Variants in DPP10 observed in about 807,000 individuals in gnomAD.
DPP10 encodes the protein inactive dipeptidyl peptidase 10.
In DPP10, 33 loss-of-function variants were observed where a neutral mutation model predicts 120.9. That is an observed-to-expected ratio of 0.27 (90% CI 0.21 to 0.37). The LOEUF (loss-of-function observed/expected upper bound fraction) is 0.37, where lower values mean the gene tolerates loss of function less well. Among genes scored for constraint, DPP10 ranks in the 10% least tolerant of loss-of-function variants. The pLI, the probability that DPP10 is intolerant of heterozygous loss-of-function variation, is 1.00. For synonymous variants in DPP10, 337 were observed against 326.1 expected (o/e 1.03, Z -0.36); for missense variants, 816 against 942.8 (o/e 0.87, Z 1.76).
At chr2:115,477,758 G>A (rs1354623219) in intron 3 of DPP10, among the ~76,000 whole-genome samples, 1 of 152,112 alleles carries the variant, frequency 6.6e-6, no homozygotes, top group African/African-American at 2.4e-5. Context: ...TTACTGCAAA[G>A]CCACAGTAAT....
chr2:114,838,263 T>C (rs1050041858), intron 1 of DPP10, among the ~76,000 whole-genome samples: 6 of 152,192 alleles, frequency 3.9e-5, no homozygotes, highest in African/African-American at 1.4e-4. Flanking sequence ...TGCCACAGAT[T>C]CTATAGTGGC....
At chr2:114,999,884 A>T (rs1053036541) in intron 1 of DPP10, among the ~76,000 whole-genome samples, 1 of 152,224 alleles carries the variant, frequency 6.6e-6, no homozygotes, top group African/African-American at 2.4e-5. Context: ...CCAGAAAAAA[A>T]GAATCATCAA....
At chr2:115,801,186 T>C (rs1014889508) in intron 19 of DPP10, among the ~76,000 whole-genome samples, 2 of 152,092 alleles carry the variant, frequency 1.3e-5, no homozygotes, top group African/African-American at 4.8e-5. Flanking sequence ...TATTTTATTC[T>C]CTTTGAAACA....
Position 114,605,216 on chromosome 2 carries a change from A to T in DPP10, c.60+162378A>T, listed in dbSNP as rs1332935864. On this transcript the variant is annotated intron_variant, in intron 1 of 25. Coordinates refer to ENST00000410059, the MANE Select transcript of DPP10 (RefSeq NM_020868.6). Reference sequence around the variant, plus strand: ...ACTCTTCTAGAGTGACTGGAAACTTAAGCATCTAAGAACAAGGGCAAATCA... The same window carrying T: ...ACTCTTCTAGAGTGACTGGAAACTTTAGCATCTAAGAACAAGGGCAAATCA... 3.3e-5 allele frequency among the ~76,000 whole-genome samples: 5 copies of T among 152,050 alleles called. No homozygotes were observed. In the East Asian group the frequency reaches 9.7e-4, roughly 29 times the overall value.
At chr2:114,992,428 C>A (rs1363158545) in intron 1 of DPP10, among the ~76,000 whole-genome samples, 1 of 152,174 alleles carries the variant, frequency 6.6e-6, no homozygotes. Flanking sequence ...CCACAGATTG[C>A]TGCTGCTACA....
At chr2:115,561,469 A>G (rs2080671872) in intron 5 of DPP10, among the ~76,000 whole-genome samples, 1 of 151,938 alleles carries the variant, frequency 6.6e-6, no homozygotes, top group African/African-American at 2.4e-5. Context: ...GTTTTGAGAG[A>G]ATTAGGAAAA....
chr2:114,767,336 G>A (rs2106131619), intron 1 of DPP10, among the ~76,000 whole-genome samples: 1 of 145,894 alleles, frequency 6.9e-6, no homozygotes, highest in East Asian at 2.0e-4. Context: ...TAATATGAAA[G>A]TGGTGCTAAG....
intron 1 of DPP10, among the ~76,000 whole-genome samples, chr2:115,056,115 T>G (rs1705884070): frequency 6.6e-6 from 1 of 152,254 alleles, no homozygotes; most frequent in Admixed American, 6.5e-5. Context: ...AACTTGTTTC[T>G]GTATATGACT....
At chr2:115,311,359 T>G (rs2061568691) in intron 2 of DPP10, among the ~76,000 whole-genome samples, 1 of 152,204 alleles carries the variant, frequency 6.6e-6, no homozygotes, top group South Asian at 2.1e-4. Flanking sequence ...CTTTGATGAT[T>G]GCTATTATTC....
chr2:115,567,317 C>T (rs2081064332), intron 5 of DPP10, among the ~76,000 whole-genome samples: 1 of 152,104 alleles, frequency 6.6e-6, no homozygotes, highest in African/African-American at 2.4e-5. Context: ...AACTCTTATT[C>T]TTCTTTCCAA....
At chr2:114,711,495 G>A (rs1007807130) in intron 1 of DPP10, among the ~76,000 whole-genome samples, 1 of 152,252 alleles carries the variant, frequency 6.6e-6, no homozygotes, top group Admixed American at 6.5e-5. Flanking sequence ...GTACCTCTGT[G>A]TTTCAGGTTC....
chr2:114,641,067 A>G (rs1244062935), intron 1 of DPP10, among the ~76,000 whole-genome samples: 1 of 151,972 alleles, frequency 6.6e-6, no homozygotes, highest in African/African-American at 2.4e-5. Flanking sequence ...GCTCCCTTTG[A>G]CATAAGTCAG....
chr2:115,062,204 T>C (rs1429648461), intron 1 of DPP10, among the ~76,000 whole-genome samples: 1 of 151,706 alleles, frequency 6.6e-6, no homozygotes, highest in Non-Finnish European at 1.5e-5. Context: ...AAATTTTTAG[T>C]AGTTTGAATT....
intron 1 of DPP10, among the ~76,000 whole-genome samples, chr2:115,291,682 C>T (rs1335212478): frequency 2.0e-5 from 3 of 152,020 alleles, no homozygotes; most frequent in Non-Finnish European, 4.4e-5. Context: ...GAAATAACTA[C>T]CACTGGGAAA....
At position 115,714,517 on chromosome 2, in the gene DPP10, T is replaced by G. The variant is rs116558339; in HGVS notation, c.577-13299T>G. ...TAATTTTTAAGAAAGTGTCTCCCTCTTATCTCTGTGCGTTTTCCCTACATC... is the reference window on the plus strand; with the variant it reads ...TAATTTTTAAGAAAGTGTCTCCCTCGTATCTCTGTGCGTTTTCCCTACATC... On this transcript the variant is annotated intron_variant, in intron 7 of 25. Transcript: ENST00000410059. Among the ~76,000 whole-genome samples, 650 of 152,288 alleles carry G rather than the reference T, an allele frequency of 4.3e-3. 6 individuals carry two copies. The highest frequency in any genetic ancestry group is 0.015 in the African/African-American group (626 of 41,566).
chr2:115,102,252 G>A (rs2048725982), intron 1 of DPP10, among the ~76,000 whole-genome samples: 1 of 151,994 alleles, frequency 6.6e-6, no homozygotes, highest in Non-Finnish European at 1.5e-5. Flanking sequence ...TCACTCACAG[G>A]GGCTCCAACC....
intron 1 of DPP10, chr2:115,064,534 G>A: frequency 1.8e-6 from 1 of 570,900 alleles, no homozygotes; most frequent in Non-Finnish European, 2.6e-6. Context: ...AAGTCTGGCT[G>A]ATAGGGGGTT....
chr2:115,289,588 A>G (rs6706690), intron 1 of DPP10, among the ~76,000 whole-genome samples: 14,929 of 151,950 alleles, frequency 0.098, 879 homozygotes, highest in African/African-American at 0.16. Context: ...ACATTAACTC[A>G]TTTCCAATTG....
At chr2:114,816,290 G>T (rs1685635338) in intron 1 of DPP10, among the ~76,000 whole-genome samples, 1 of 152,142 alleles carries the variant, frequency 6.6e-6, no homozygotes, top group Non-Finnish European at 1.5e-5. Flanking sequence ...GGGCCATGAG[G>T]TTTCTGTCAC....
Sources: allele counts gnomAD v4.1 joint callset (sites outside exome capture counted in the v4.1 genomes callset), GRCh38; gene constraint gnomAD v4.1.1; transcripts MANE v1.5; gene names NCBI Gene and HGNC (gene_info 2026-07-23, HGNC 2026-07-21).